Variants in FGF13 observed in about 807,000 individuals in gnomAD.
The protein encoded by FGF13 is fibroblast growth factor 13, also known as fibroblast growth factor homologous factor 2.
FGF13 carries 2 observed loss-of-function variants against 19.5 expected under a neutral mutation model. The observed-to-expected ratio is 0.10, with a 90% confidence interval of 0.04 to 0.32. The LOEUF is 0.32. FGF13 is among the 10% of genes least tolerant of loss of function. FGF13 has a pLI of 1.00. For synonymous variants in FGF13, 72 were observed against 76.9 expected, an observed-to-expected ratio of 0.94 and a Z score of 0.33; for missense variants, 113 against 192.7, an observed-to-expected ratio of 0.59 and a Z score of 2.45.
In FGF13 at chrX:139,172,044, T is replaced by C. The variant is rs752920452; in HGVS notation, c.-113+31372A>G. On this transcript the variant is annotated intron_variant, in intron 1 of 2. Transcript: ENST00000421460. The stretch of plus-strand genomic sequence containing the variant: ...TACCTTGAATGTGTTTTGTCCCCAG[T>C]GGGTCCTCAGTAAATATAGTTGTTT... 8.0e-5 allele frequency among the ~76,000 whole-genome samples: 9 copies of C among 112,094 alleles called. No homozygotes were observed. In the South Asian group the frequency reaches 3.4e-3, roughly 42 times the overall value.
chrX:139,133,573 T>G (rs1005007791), intron 1 of FGF13, among the ~76,000 whole-genome samples: 2 of 110,970 alleles, frequency 1.8e-5, no homozygotes, highest in African/African-American at 6.6e-5. Flanking sequence ...GGTTCACAAC[T>G]ATGCAATTAT....
chrX:139,141,412 A>C (rs2083844210), intron 1 of FGF13, among the ~76,000 whole-genome samples: 1 of 112,232 alleles, frequency 8.9e-6, no homozygotes, highest in African/African-American at 3.2e-5. Context: ...CTGAAAATTG[A>C]ATCATGTCAC....
intron 3 of FGF13, among the ~76,000 whole-genome samples, chrX:138,848,302 C>T (rs1225329752): frequency 9.0e-6 from 1 of 111,178 alleles, no homozygotes; most frequent in Non-Finnish European, 1.9e-5. Context: ...TATCACAGGG[C>T]ACCTTTTGAA....
In FGF13 at chrX:138,824,141, T is replaced by A. The variant is rs192240177; in HGVS notation, c.217+33371A>T. 8.0e-4 allele frequency among the ~76,000 whole-genome samples: 90 copies of A among 111,848 alleles called. 1 individual carries two copies. The highest frequency in any genetic ancestry group is 4.6e-3 in the Middle Eastern group (1 of 218). On this transcript the variant is annotated intron_variant, in intron 3 of 6. Transcript: ENST00000436198. ...GCACATACCAAAAAGGAAAGGAGGA[T>A]TAACTTGGCACAGGAAGAAAGACAT...
chrX:139,186,554 T>C (rs1382670413), intron 1 of FGF13, among the ~76,000 whole-genome samples: 1 of 111,552 alleles, frequency 9.0e-6, no homozygotes, highest in Admixed American at 9.5e-5. Context: ...CAGGAAACTC[T>C]CCAAAGGCTT....
Position 138,617,155 on chromosome X carries a change from T to G in FGF13, c.*15695A>C, listed in dbSNP as rs963920114. The G allele has an allele frequency of 1.8e-5, 2 of 111,613 alleles. No homozygotes were observed. The highest frequency in any genetic ancestry group is 3.3e-5 in the African/African-American group (1 of 30,672). 9.2% of individuals were successfully genotyped at this position (111,613 alleles called of 1,213,427 possible). A position where few individuals can be genotyped will look rare whatever the true frequency, so the allele number is the denominator to read the frequency against. Reference sequence around the variant, plus strand: ...AGTTTCTGTTACATGGTGCACGCATTTGTCAATACACATGAATTGATATAC... The same window carrying G: ...AGTTTCTGTTACATGGTGCACGCATGTGTCAATACACATGAATTGATATAC... On this transcript the variant is annotated 3_prime_UTR_variant, in exon 5 of 5. Transcript: ENST00000315930.
chrX:139,126,856 T>C (rs2083720215), intron 1 of FGF13, among the ~76,000 whole-genome samples: 1 of 111,499 alleles, frequency 9.0e-6, no homozygotes, highest in Non-Finnish European at 1.9e-5. Context: ...GGGTCTGTTG[T>C]CTGAGCCACA....
At chrX:138,845,743 C>T (rs969055882) in intron 3 of FGF13, among the ~76,000 whole-genome samples, 3 of 111,679 alleles carry the variant, frequency 2.7e-5, no homozygotes, top group African/African-American at 9.8e-5. Flanking sequence ...ACTAAGTGAA[C>T]AGCTTACCAT....
intron 3 of FGF13, among the ~76,000 whole-genome samples, chrX:138,832,250 T>A (rs6634024): frequency 0.38 from 42,045 of 110,893 alleles, 7,195 homozygotes; most frequent in Admixed American, 0.51. Context: ...TCTTCCACAG[T>A]GGCTAAACTA....
At chrX:139,149,575 TC>T (rs751758797) in intron 1 of FGF13, among the ~76,000 whole-genome samples, 17 of 112,152 alleles carry the variant, frequency 1.5e-4, no homozygotes, top group Non-Finnish European at 1.3e-4. Flanking sequence ...TAATTACATT[TC>T]CCCAACCAAA....
intron 1 of FGF13, among the ~76,000 whole-genome samples, chrX:138,725,981 G>T (rs1408391739): frequency 1.8e-5 from 2 of 109,691 alleles, no homozygotes; most frequent in Non-Finnish European, 3.8e-5. Flanking sequence ...TGGAATGTCG[G>T]AAAAAAAACA....
At chrX:138,745,298 T>C (rs140140435) in intron 3 of FGF13, among the ~76,000 whole-genome samples, 1,248 of 112,121 alleles carry the variant, frequency 0.011, 20 homozygotes, top group African/African-American at 0.038. Context: ...TACATAATTT[T>C]CTGGCAACGG....
intron 3 of FGF13, among the ~76,000 whole-genome samples, chrX:138,684,921 A>T (rs1044346771): frequency 7.1e-5 from 8 of 111,908 alleles, no homozygotes; most frequent in Middle Eastern, 4.6e-3. Flanking sequence ...CAAGAAAGGG[A>T]ATAATTGCAG....
At chrX:139,175,400 T>A (rs1030947063) in intron 1 of FGF13, among the ~76,000 whole-genome samples, 4 of 112,235 alleles carry the variant, frequency 3.6e-5, no homozygotes, top group African/African-American at 1.3e-4. Context: ...TATTTCTTTT[T>A]CTTGCCTGAT....
chrX:138,889,118 T>C (rs1401599578), intron 1 of FGF13, among the ~76,000 whole-genome samples: 1 of 111,779 alleles, frequency 8.9e-6, no homozygotes, highest in Non-Finnish European at 1.9e-5. Flanking sequence ...TAATGGTGGA[T>C]ACAAAGTATG....
intron 3 of FGF13, among the ~76,000 whole-genome samples, chrX:138,687,953 ATTT>A (rs35630753): frequency 4.1e-5 from 4 of 97,914 alleles, no homozygotes; most frequent in East Asian, 3.1e-4. Flanking sequence ...AAAAAATTGG[ATTT>A]TTTTTTTTTT....
chrX:138,749,151 T>C (rs1383162500), intron 3 of FGF13, among the ~76,000 whole-genome samples: 1 of 110,294 alleles, frequency 9.1e-6, no homozygotes, highest in Non-Finnish European at 1.9e-5. Flanking sequence ...CTTCCATTGG[T>C]TGGGGGTTGG....
chrX:138,974,451 T>A (rs2091931879), intron 1 of FGF13, among the ~76,000 whole-genome samples: 1 of 111,502 alleles, frequency 9.0e-6, no homozygotes, highest in African/African-American at 3.3e-5. Context: ...CCCCTGACCC[T>A]GGAAACAAGG....
chrX:138,861,506 A>G (rs1247713703), intron 2 of FGF13, among the ~76,000 whole-genome samples: 1 of 112,506 alleles, frequency 8.9e-6, no homozygotes, highest in Non-Finnish European at 1.9e-5. Flanking sequence ...AATATTTAGT[A>G]CGTGACAAAC....
Sources: allele counts gnomAD v4.1 joint callset (sites outside exome capture counted in the v4.1 genomes callset), GRCh38; gene constraint gnomAD v4.1.1; transcripts MANE v1.5; gene names NCBI Gene and HGNC (gene_info 2026-07-23, HGNC 2026-07-21).